Variants in AFG1L observed in about 807,000 individuals in gnomAD.
The protein encoded by AFG1L is AFG1 like ATPase.
A neutral mutation model predicts 62.2 loss-of-function variants in AFG1L; 53 were observed. The observed-to-expected ratio is 0.85, with a 90% CI of 0.68 to 1.07. The LOEUF is 1.07. Ranked by LOEUF, AFG1L falls within the 50% of genes least tolerant of loss-of-function variation. AFG1L has a pLI of 0.00. For missense variants in AFG1L, 555 were observed against 590.5 expected, an observed-to-expected ratio of 0.94 and a Z score of 0.62; for synonymous variants, 228 against 210.3, an observed-to-expected ratio of 1.08 and a Z score of -0.73.
intron 7 of AFG1L, among the ~76,000 whole-genome samples, chr6:108,412,754 T>C (rs1410069532): frequency 6.6e-6 from 1 of 151,948 alleles, no homozygotes. Context: ...CTAAAAGAGC[T>C]CCTGAAGGAA....
intron 2 of AFG1L, among the ~76,000 whole-genome samples, chr6:108,332,665 GA>G (rs1032639882): frequency 6.6e-6 from 1 of 152,086 alleles, no homozygotes; most frequent in Non-Finnish European, 1.5e-5. Context: ...GCCCAGGCTG[GA>G]GTGCAGTCAT....
In AFG1L at chr6:108,323,727, G is replaced by A. The variant is rs143113142; in HGVS notation, c.140-98G>A. On this transcript the variant is annotated intron_variant, in intron 1 of 12. Coordinates refer to ENST00000368977, the MANE Select transcript of AFG1L (RefSeq NM_145315.5). ...AAAAACTGCTCCAATAGATATACTT[G>A]TAACTAGTTAAAAGTTTGAATTTGA... is the stretch of plus-strand genomic sequence containing the variant. 543 of 762,536 alleles carry A rather than the reference G, an allele frequency of 7.1e-4. 4 individuals are homozygous for A. In the East Asian group the frequency reaches 9.3e-3, roughly 13 times the overall value. The allele number at this position is 762,536 out of a possible 1,614,324, so 47.2% of individuals were successfully genotyped here. A position where few individuals can be genotyped will look rare whatever the true frequency, so the allele number is the denominator to read the frequency against.
At chr6:108,391,990 A>G (rs1215030859) in intron 6 of AFG1L, 2 of 152,110 alleles carry the variant, frequency 1.3e-5, no homozygotes, top group African/African-American at 4.8e-5. Context: ...CCATGAACAC[A>G]TTATTTTTTA....
Position 108,402,505 on chromosome 6 carries a change from GC to G in AFG1L, c.807+452del, listed in dbSNP as rs1781679314. On this transcript the variant is annotated intron_variant, in intron 7 of 12. Transcript: ENST00000368977. Reference sequence around the variant, plus strand: ...AAAAAAAAAAAGGAGACTTGCCAGGGCAACACGGCAAAACCTCTTCTCTAGA... The same window carrying G: ...AAAAAAAAAAAGGAGACTTGCCAGGGAACACGGCAAAACCTCTTCTCTAGA... Among the ~76,000 whole-genome samples the G allele has an allele frequency of 2.0e-5, 3 of 147,992 alleles. No individual in the cohort carries two copies. The South Asian group carries it at 6.4e-4, about 31-fold the overall frequency.
At chr6:108,453,744 T>C (rs1186619892) in intron 8 of AFG1L, among the ~76,000 whole-genome samples, 1 of 152,234 alleles carries the variant, frequency 6.6e-6, no homozygotes, top group Non-Finnish European at 1.5e-5. Flanking sequence ...AGCTTCTGCC[T>C]CTAAGGTTGC....
At chr6:108,350,097 C>T (rs1238162532) in intron 3 of AFG1L, among the ~76,000 whole-genome samples, 2 of 148,520 alleles carry the variant, frequency 1.3e-5, no homozygotes, top group African/African-American at 5.0e-5. Flanking sequence ...TGGTGGGTGC[C>T]TGTAGTCACA....
chr6:108,328,998 A>T (rs1335603721), intron 2 of AFG1L, among the ~76,000 whole-genome samples: 1 of 152,144 alleles, frequency 6.6e-6, no homozygotes, highest in South Asian at 2.1e-4. Context: ...GTTAAATCCT[A>T]GTGCATGTGA....
chr6:108,339,402 G>T lies in AFG1L; in HGVS notation c.364-7586G>T, dbSNP rs572285713. On this transcript the variant is annotated intron_variant, in intron 2 of 12. Transcript: ENST00000368977. ...TGATCTGCTCATGTTGGCCTTCCAG[G>T]GTGCTGGGATTACAGGTGTGAGCCA... Among the ~76,000 whole-genome samples, 10 of 151,606 alleles carry T rather than the reference G, an allele frequency of 6.6e-5. No individual in the cohort carries two copies. In the South Asian group the frequency reaches 2.1e-3, roughly 32 times the overall value.
intron 6 of AFG1L, chr6:108,388,199 AT>A (rs1780859789): frequency 6.6e-6 from 1 of 152,138 alleles, no homozygotes; most frequent in East Asian, 1.9e-4. Flanking sequence ...CACACAAAGG[AT>A]TCCCAGAAAT....
chr6:108,442,080 A>G (rs926042699), intron 7 of AFG1L, among the ~76,000 whole-genome samples: 3 of 152,146 alleles, frequency 2.0e-5, no homozygotes, highest in Non-Finnish European at 4.4e-5. Flanking sequence ...TGATGTCTGT[A>G]GTAAAGATAG....
At chr6:108,496,453 T>C (rs1773979510) in intron 10 of AFG1L, among the ~76,000 whole-genome samples, 1 of 152,204 alleles carries the variant, frequency 6.6e-6, no homozygotes, top group African/African-American at 2.4e-5. Context: ...CCCTGTCTTG[T>C]ACAATGACGT....
At chr6:108,332,961 G>A (rs553376927) in intron 2 of AFG1L, among the ~76,000 whole-genome samples, 12 of 152,122 alleles carry the variant, frequency 7.9e-5, no homozygotes, top group African/African-American at 2.4e-4. Flanking sequence ...ATGTTGTCCT[G>A]TAAATTAAAA....
At chr6:108,456,675 C>T (rs1205897243) in intron 8 of AFG1L, among the ~76,000 whole-genome samples, 2 of 152,092 alleles carry the variant, frequency 1.3e-5, no homozygotes, top group Non-Finnish European at 2.9e-5. Flanking sequence ...AATCTACCTT[C>T]TCTATGGAAT....
chr6:108,394,833 A>C (rs1195387873), intron 6 of AFG1L, among the ~76,000 whole-genome samples: 1 of 152,180 alleles, frequency 6.6e-6, no homozygotes, highest in Non-Finnish European at 1.5e-5. Flanking sequence ...TGATTTAAAA[A>C]TTGTCTGATT....
intron 6 of AFG1L, chr6:108,372,853 G>A (rs559850499): frequency 1.3e-5 from 2 of 153,422 alleles, no homozygotes; most frequent in African/African-American, 4.8e-5. Flanking sequence ...ATATGGAGGA[G>A]AACACATCCT....
At chr6:108,427,712 G>A (rs991481482) in intron 7 of AFG1L, among the ~76,000 whole-genome samples, 1 of 151,842 alleles carries the variant, frequency 6.6e-6, no homozygotes, top group Non-Finnish European at 1.5e-5. Flanking sequence ...AGTAGAGACA[G>A]GGTTTCACCA....
At position 108,524,718 on chromosome 6, in the gene AFG1L, G is replaced by A. The variant is rs1562214021; in HGVS notation, c.*2293G>A. The A allele has an allele frequency of 2.0e-5, 3 of 152,226 alleles. No homozygotes were observed. In the South Asian group the frequency reaches 6.2e-4, roughly 32 times the overall value. 9.4% of individuals were successfully genotyped at this position (152,226 alleles called of 1,614,324 possible). On this transcript the variant is annotated 3_prime_UTR_variant, in exon 13 of 13. Coordinates refer to ENST00000368977, the MANE Select transcript of AFG1L (RefSeq NM_145315.5). The stretch of plus-strand genomic sequence containing the variant: ...AAGAGGCTCTTTGAGCTGGGAGAAG[G>A]GTTTATGCAGAAAGTGGGGCTAGAA...
At chr6:108,482,492 A>G (rs1267783805) in intron 10 of AFG1L, among the ~76,000 whole-genome samples, 1 of 152,126 alleles carries the variant, frequency 6.6e-6, no homozygotes, top group Non-Finnish European at 1.5e-5. Flanking sequence ...ATCTGTTACA[A>G]TTAATGAACC....
chr6:108,379,920 T>A (rs1334654868), intron 6 of AFG1L, among the ~76,000 whole-genome samples: 1 of 145,678 alleles, frequency 6.9e-6, no homozygotes, highest in East Asian at 2.1e-4. Flanking sequence ...AGAGGGCCTC[T>A]CCATACCAGA....
Sources: allele counts gnomAD v4.1 joint callset (sites outside exome capture counted in the v4.1 genomes callset), GRCh38; gene constraint gnomAD v4.1.1; transcripts MANE v1.5; gene names NCBI Gene and HGNC (gene_info 2026-07-23, HGNC 2026-07-21).